The following PSMD1 variants were observed in gnomAD, a reference collection of about 807,000 sequenced individuals.
PSMD1 encodes 26S proteasome non-ATPase regulatory subunit 1.
A neutral mutation model predicts 119.0 loss-of-function variants in PSMD1; 18 were observed. That is an observed-to-expected ratio of 0.15 (90% CI 0.10 to 0.22). The LOEUF (loss-of-function observed/expected upper bound fraction) is 0.22, where lower values mean the gene tolerates loss of function less well. Ranked by LOEUF, PSMD1 falls within the 10% of genes least tolerant of loss-of-function variation. The probability of loss-of-function intolerance (pLI) is 1.00; values close to 1 mark genes in which losing one functional copy is unlikely to be tolerated. For synonymous variants in PSMD1, 374 were observed against 396.6 expected (o/e 0.94, Z 0.68); for missense variants, 702 against 1,158.5 (o/e 0.61, Z 5.72).
intron 16 of PSMD1, among the ~76,000 whole-genome samples, chr2:231,124,469 A>G (rs551374941): frequency 3.3e-5 from 5 of 152,044 alleles, no homozygotes; most frequent in Non-Finnish European, 7.4e-5. Context: ...AAGCCCAACA[A>G]GGGTCTAAAT....
intron 16 of PSMD1, among the ~76,000 whole-genome samples, chr2:231,134,401 C>T (rs919546304): frequency 1.3e-5 from 2 of 152,154 alleles, no homozygotes; most frequent in African/African-American, 2.4e-5. Context: ...AAGTCCCGAG[C>T]GAGCCTAAAC....
At chr2:231,096,275 A>T (rs1263516797) in intron 16 of PSMD1, among the ~76,000 whole-genome samples, 1 of 152,076 alleles carries the variant, frequency 6.6e-6, no homozygotes, top group Non-Finnish European at 1.5e-5. Flanking sequence ...TTTCCAATTT[A>T]TTGGAGGAGG....
At chr2:231,154,695 C>T (rs1360329793) in intron 19 of PSMD1, among the ~76,000 whole-genome samples, 1 of 152,136 alleles carries the variant, frequency 6.6e-6, no homozygotes, top group African/African-American at 2.4e-5. Flanking sequence ...TCTTGAACTC[C>T]TGGACTCGAG....
chr2:231,101,575 G>A (rs894222922), intron 16 of PSMD1, among the ~76,000 whole-genome samples: 3 of 152,210 alleles, frequency 2.0e-5, no homozygotes, highest in African/African-American at 7.2e-5. Context: ...AAATTCTGTT[G>A]TGGGTAGAAT....
In PSMD1 at chr2:231,062,683, T is replaced by C; in HGVS notation, c.304+8T>C. 6.3e-7 allele frequency: 1 copy of C among 1,580,772 alleles called. No homozygotes were observed. Among genetic ancestry groups the C allele is most frequent in the South Asian group, 1.2e-5 (1 of 84,950 alleles). On this transcript the variant is annotated splice_region_variant and intron_variant, in intron 4 of 24. Transcript: ENST00000308696. Reference sequence around the variant, plus strand: ...ATGTGGAAACTATTATAGGTAATTATCGTCTATCTGGTAAGGCTTTATCTT... The same window carrying C: ...ATGTGGAAACTATTATAGGTAATTACCGTCTATCTGGTAAGGCTTTATCTT...
At chr2:231,088,693 C>T (rs1224335623) in intron 16 of PSMD1, among the ~76,000 whole-genome samples, 1 of 152,220 alleles carries the variant, frequency 6.6e-6, no homozygotes, top group Non-Finnish European at 1.5e-5. Context: ...TCTCCCTCTT[C>T]TTGGGACTCC....
chr2:231,080,036 T>C, intron 11 of PSMD1, 105 bp from the exon 12 acceptor site: 1 of 1,040,154 alleles, frequency 9.6e-7, no homozygotes. Flanking sequence ...TCCTTCTCTC[T>C]TAGCAAGTGA....
At chr2:231,114,959 A>T (rs927517980) in intron 16 of PSMD1, among the ~76,000 whole-genome samples, 1 of 152,198 alleles carries the variant, frequency 6.6e-6, no homozygotes, top group African/African-American at 2.4e-5. Flanking sequence ...ATGTGAGATT[A>T]TCTAAGTCTC....
chr2:231,070,109 A>G lies in PSMD1; in HGVS notation c.595A>G (p.Arg199Gly). ...TAAACAGTTTCGGAATAAAGTACTA[A>G]GAGTTCTAGTTAAAATCTACATGAA... Reference protein sequence around the residue: ...QNKQFRNKVLRVLVKIYMNLE... With the variant: ...QNKQFRNKVLGVLVKIYMNLE... The change falls in exon 6 of 25, where the codon AGA (arginine) becomes GGA (glycine). Residue 199 changes from arginine (R) to glycine (G), a missense_variant. Around this residue, in one of 9 missense-constraint regions of PSMD1, gnomAD observed 58 missense variants for 54.0 expected, o/e 1.07. Transcript: ENST00000308696. The G allele has an allele frequency of 6.3e-7, 1 of 1,579,198 alleles. No individual in the cohort carries two copies. The highest frequency in any genetic ancestry group is 8.6e-7 in the Non-Finnish European group (1 of 1,167,036).
rs929417740 is a variant in PSMD1, at chr2:231,062,260, C to T, written c.73C>T (p.His25Tyr). 3.1e-6 allele frequency: 5 copies of T among 1,611,904 alleles called. No homozygotes were observed. The highest frequency in any genetic ancestry group is 3.4e-6 in the Non-Finnish European group (4 of 1,178,366). The part of the protein sequence containing the change: ...DEPQLKEFAL[H>Y]KLNAVVNDFW... The stretch of plus-strand genomic sequence containing the variant: ...TTATCTTTTACAGGAATTTGCACTA[C>T]ACAAATTGAATGCAGTTGTTAATGA... The change falls in exon 3 of 25, where the codon CAC (histidine) becomes TAC (tyrosine). Residue 25 changes from histidine to tyrosine, a missense_variant. Physicochemically the swap from His to Tyr is moderately conservative, Grantham distance 83. Around this residue, in one of 9 missense-constraint regions of PSMD1, gnomAD observed 60 missense variants for 118.2 expected, o/e 0.51. Coordinates refer to ENST00000308696, the MANE Select transcript of PSMD1 (RefSeq NM_002807.4).
At chr2:231,150,141 C>G (rs1215692671) in intron 18 of PSMD1, among the ~76,000 whole-genome samples, 3 of 152,002 alleles carry the variant, frequency 2.0e-5, no homozygotes. Flanking sequence ...GTCAGGAGTT[C>G]AAGACCAGCA....
At chr2:231,057,119 C>T (rs1415393960) in intron 1 of PSMD1, 78 bp downstream of exon 1, 2 of 1,413,304 alleles carry the variant, frequency 1.4e-6, no homozygotes, top group Non-Finnish European at 1.8e-6. Flanking sequence ...GGGCCGGTGA[C>T]TGGGCGCCTC....
rs903107001 is a variant in PSMD1, at chr2:231,057,053, C to G, written c.16+12C>G. 7.2e-6 allele frequency: 11 copies of G among 1,519,890 alleles called. No homozygotes were observed. In the African/African-American group the frequency reaches 1.6e-4, roughly 22 times the overall value. The allele number at this position is 1,519,890 out of a possible 1,614,324, so 94.2% of individuals were successfully genotyped here. A position where few individuals can be genotyped will look rare whatever the true frequency, so the allele number is the denominator to read the frequency against. ...GATCACCTCGGCCGGTGAGTGCGGCCCGTAGCCAGCGCCTGGAGGGAGGAG... is the reference window on the plus strand; with the variant it reads ...GATCACCTCGGCCGGTGAGTGCGGCGCGTAGCCAGCGCCTGGAGGGAGGAG... On this transcript the variant is annotated intron_variant, in intron 1 of 24. Transcript: ENST00000308696.
chr2:231,090,365 A>C (rs1694560781), intron 16 of PSMD1, among the ~76,000 whole-genome samples: 1 of 152,188 alleles, frequency 6.6e-6, no homozygotes, highest in African/African-American at 2.4e-5. Flanking sequence ...GACATGGTGA[A>C]ACCCTGTCTG....
chr2:231,123,825 G>A, intron 16 of PSMD1: 6 of 1,267,020 alleles, frequency 4.7e-6, no homozygotes, highest in Non-Finnish European at 6.9e-6. Context: ...TAGTAGCTAA[G>A]CTGCTCATCT....
At chr2:231,081,144 TAA>T (rs368987456) in intron 12 of PSMD1, among the ~76,000 whole-genome samples, 28 of 74,032 alleles carry the variant, frequency 3.8e-4, no homozygotes, top group Admixed American at 4.8e-4. Flanking sequence ...AAACTCTGTC[TAA>T]AAAAAAAAAA....
At chr2:231,074,103 G>A (rs554405464) in intron 7 of PSMD1, among the ~76,000 whole-genome samples, 1 of 151,946 alleles carries the variant, frequency 6.6e-6, no homozygotes, top group East Asian at 1.9e-4. Flanking sequence ...TAGGGGGATA[G>A]AATTTTTTAT....
intron 15 of PSMD1, among the ~76,000 whole-genome samples, chr2:231,086,656 TAAAAAG>T (rs1396899098): frequency 6.6e-6 from 1 of 152,120 alleles, no homozygotes; most frequent in East Asian, 1.9e-4. Flanking sequence ...GACTCTGTCT[TAAAAAG>T]AAAAAGAGAG....
chr2:231,171,699 G>A (rs1422824754), intron 24 of PSMD1, among the ~76,000 whole-genome samples: 1 of 151,996 alleles, frequency 6.6e-6, no homozygotes, highest in Non-Finnish European at 1.5e-5. Flanking sequence ...TGGGATTACA[G>A]GCATGCGCCA....
Sources: allele counts gnomAD v4.1 joint callset (sites outside exome capture counted in the v4.1 genomes callset), GRCh38; gene constraint gnomAD v4.1.1; regional missense constraint gnomAD v4.1.1; transcripts MANE v1.5; gene names NCBI Gene and HGNC (gene_info 2026-07-23, HGNC 2026-07-21).